The following CRACDL variants were observed in gnomAD, a reference collection of about 807,000 sequenced individuals.
The protein encoded by CRACDL is CRACD-like protein.
CRACDL carries 26 observed loss-of-function variants against 70.6 expected under a neutral mutation model. The ratio of observed to expected loss-of-function variants is 0.37; its 90% confidence interval spans 0.27 to 0.51. The LOEUF (loss-of-function observed/expected upper bound fraction) is 0.51, where lower values mean the gene tolerates loss of function less well. Ranked by LOEUF, CRACDL falls within the 20% of genes least tolerant of loss-of-function variation. The pLI is 0.94. For missense variants in CRACDL, 1,283 were observed against 1,376.9 expected (o/e 0.93, Z 1.08); for synonymous variants, 618 against 615.2 (o/e 1.00, Z -0.07).
chr2:98,863,192 T>C (rs760930637), intron 1 of CRACDL, among the ~76,000 whole-genome samples: 18 of 152,114 alleles, frequency 1.2e-4, no homozygotes, highest in Non-Finnish European at 2.5e-4. Flanking sequence ...TGCAATAAGA[T>C]TATCAGTAGA....
At position 98,936,097 on chromosome 2, in the gene CRACDL, G is replaced by A. The variant is rs1709201174; in HGVS notation, c.-170C>T. 6.6e-6 allele frequency: 1 copy of A among 151,788 alleles called. No individual in the cohort carries two copies. The highest frequency in any genetic ancestry group is 2.4e-5 in the African/African-American group (1 of 41,406). The allele number at this position is 151,788 out of a possible 1,614,324, so 9.4% of individuals were successfully genotyped here. On this transcript the variant is annotated 5_prime_UTR_variant, in exon 1 of 10. Transcript: ENST00000397899. ...GGCCGCGCGGCCTCCAGACAGCCCG[G>A]GTCTGCGGCCGAAGAGCTGGACGCG...
At chr2:98,898,310 G>A (rs1044476352) in intron 1 of CRACDL, among the ~76,000 whole-genome samples, 2 of 152,270 alleles carry the variant, frequency 1.3e-5, no homozygotes, top group Admixed American at 6.5e-5. Flanking sequence ...GGGGGCCTCA[G>A]AGAGGTCACC....
intron 7 of CRACDL, among the ~76,000 whole-genome samples, chr2:98,805,978 T>C (rs1386579115): frequency 6.6e-6 from 1 of 152,244 alleles, no homozygotes; most frequent in East Asian, 1.9e-4. Context: ...CTTCTATCAT[T>C]AAAAGGCGAG....
At chr2:98,862,449 G>A (rs558702625) in intron 1 of CRACDL, among the ~76,000 whole-genome samples, 6 of 152,250 alleles carry the variant, frequency 3.9e-5, no homozygotes, top group South Asian at 2.1e-4. Flanking sequence ...AATGATCTCC[G>A]AAAGACACCT....
intron 9 of CRACDL, among the ~76,000 whole-genome samples, chr2:98,795,170 G>A (rs1703766283): frequency 6.8e-6 from 1 of 147,476 alleles, no homozygotes; most frequent in African/African-American, 2.5e-5. Flanking sequence ...CTGCCTCCCG[G>A]GTTCAAGCGA....
At chr2:98,834,932 A>T (rs1409412510) in intron 3 of CRACDL, among the ~76,000 whole-genome samples, 4 of 152,216 alleles carry the variant, frequency 2.6e-5, no homozygotes, top group East Asian at 3.8e-4. Context: ...AATAATAATT[A>T]AAAAACCAAA....
intron 1 of CRACDL, among the ~76,000 whole-genome samples, chr2:98,910,414 G>A (rs1422194036): frequency 6.6e-6 from 1 of 151,980 alleles, no homozygotes; most frequent in Non-Finnish European, 1.5e-5. Context: ...CCAGCTACTT[G>A]GGAGGCTGAA....
chr2:98,820,842 C>T (rs1326416552), intron 7 of CRACDL, among the ~76,000 whole-genome samples: 2 of 152,190 alleles, frequency 1.3e-5, no homozygotes, highest in African/African-American at 2.4e-5. Context: ...GAATACTTTC[C>T]ATGTTGCAGC....
At chr2:98,816,236 CCT>C (rs899857972) in intron 7 of CRACDL, among the ~76,000 whole-genome samples, 1 of 152,114 alleles carries the variant, frequency 6.6e-6, no homozygotes, top group Non-Finnish European at 1.5e-5. Flanking sequence ...TTCAGAGTCC[CCT>C]GATACTCACT....
intron 1 of CRACDL, among the ~76,000 whole-genome samples, chr2:98,890,153 G>A (rs887900934): frequency 6.6e-5 from 10 of 152,100 alleles, no homozygotes; most frequent in African/African-American, 2.2e-4. Context: ...CAATAATAAA[G>A]ATTAGAGAAG....
intron 7 of CRACDL, among the ~76,000 whole-genome samples, chr2:98,813,446 G>T (rs1386231850): frequency 6.6e-6 from 1 of 151,896 alleles, no homozygotes. Context: ...AAAAAATTTT[G>T]CATCTAAATT....
rs780683754 is a variant in CRACDL, at chr2:98,838,153, C to T, written c.205G>A (p.Gly69Arg). ...TCCTCGGAGTCGTAGCCCACTGGCC[C>T]GGATTCGATGGCAATGACCTCATTC... ...TRNEVIAIES[G>R]PVGYDSEDEL... Residue 69 changes from glycine (G) to arginine (R), a missense_variant, in exon 3 of 10, where the codon GGG becomes AGG. Gly to Arg is a moderately radical substitution (Grantham distance 125). Around this residue, in one of 2 missense-constraint regions of CRACDL, gnomAD observed 362 missense variants for 495.0 expected, o/e 0.73. Coordinates refer to ENST00000397899, the MANE Select transcript of CRACDL (RefSeq NM_207362.3). 7.4e-6 allele frequency: 12 copies of T among 1,613,434 alleles called. No homozygotes were observed. Among genetic ancestry groups the T allele is most frequent in the Non-Finnish European group, 9.3e-6 (11 of 1,179,788 alleles).
Position 98,827,131 on chromosome 2 carries a change from G to T in CRACDL, c.579C>A (p.Thr193=). 1 of 1,614,052 alleles carries T rather than the reference G, an allele frequency of 6.2e-7. No individual in the cohort carries two copies. Among genetic ancestry groups the T allele is most frequent in the Non-Finnish European group, 8.5e-7 (1 of 1,179,970 alleles). The change falls in exon 6 of 10, where the codon ACC becomes ACA. Residue 193 remains threonine, a synonymous_variant. Coordinates refer to ENST00000397899, the MANE Select transcript of CRACDL (RefSeq NM_207362.3). ...TGTTGTCTGAGATCCGGGCAGAGAC[G>T]GTGCTGTCGCTCACGTGGTCTGGAG... ...VVSPDHVSDS[T]VSARISDNSL... is the part of the protein sequence containing the mutation.
chr2:98,888,997 A>G (rs1707871830), intron 1 of CRACDL, among the ~76,000 whole-genome samples: 1 of 151,808 alleles, frequency 6.6e-6, no homozygotes, highest in South Asian at 2.1e-4. Context: ...GCATGGTGGT[A>G]TGCACCTATA....
intron 1 of CRACDL, among the ~76,000 whole-genome samples, chr2:98,861,531 T>C (rs1162863882): frequency 6.6e-6 from 1 of 152,140 alleles, no homozygotes; most frequent in East Asian, 1.9e-4. Flanking sequence ...TGCCTCAAAA[T>C]GTGAAACGTA....
At chr2:98,883,921 A>G (rs935121943) in intron 1 of CRACDL, among the ~76,000 whole-genome samples, 1 of 152,232 alleles carries the variant, frequency 6.6e-6, no homozygotes, top group Non-Finnish European at 1.5e-5. Flanking sequence ...AATGCAGCAC[A>G]TGGGCACCCA....
chr2:98,825,187 C>T (rs922218485), intron 6 of CRACDL, among the ~76,000 whole-genome samples: 3 of 152,102 alleles, frequency 2.0e-5, no homozygotes, highest in African/African-American at 4.8e-5. Context: ...CAGAGGCCCC[C>T]GGCATCATAG....
Position 98,823,488 on chromosome 2 carries a change from T to A in CRACDL, c.785A>T (p.Glu262Val), listed in dbSNP as rs781028672. ...LSDLTCTPEE[E>V]ENEEKPLLEV... is the part of the protein sequence containing the mutation. Reference sequence around the variant, plus strand: ...CAAAAGTGGCTTCTCCTCGTTTTCCTCCTCCTCTGGGGTGCACGTCAGGTC... The same window carrying A: ...CAAAAGTGGCTTCTCCTCGTTTTCCACCTCCTCTGGGGTGCACGTCAGGTC... Residue 262 changes from glutamate to valine, a missense_variant, in exon 7 of 10, where the codon GAG becomes GTG. Glu to Val is a moderately radical substitution (Grantham distance 121). This residue lies in a region of CRACDL where 362 missense variants were observed against 495.0 expected (regional missense o/e 0.73). Coordinates refer to ENST00000397899, the MANE Select transcript of CRACDL (RefSeq NM_207362.3). This position sits in a 1 kb window ranked among gnomAD's most constrained non-coding sequence, Gnocchi z 4.0. The A allele has an allele frequency of 4.0e-5, 63 of 1,594,514 alleles. No individual in the cohort carries two copies. The highest frequency in any genetic ancestry group is 7.6e-6 in the Non-Finnish European group (9 of 1,178,078).
intron 2 of CRACDL, among the ~76,000 whole-genome samples, chr2:98,838,781 C>G (rs1271807832): frequency 6.6e-6 from 1 of 152,166 alleles, no homozygotes; most frequent in East Asian, 1.9e-4. Flanking sequence ...CTGTGGGGCA[C>G]CAACTGCATG....
Sources: gnomAD v4.1 joint callset for allele counts (sites outside exome capture counted in the v4.1 genomes callset) on GRCh38, gnomAD v4.1.1 for gene constraint, gnomAD v4.1.1 regional missense constraint, Gnocchi (gnomAD v3.1) non-coding constraint, MANE v1.5 for transcripts, NCBI Gene and HGNC (gene_info 2026-07-23, HGNC 2026-07-21) for gene names.